Variants in C6 observed in about 807,000 individuals in gnomAD.
C6 encodes complement C6, also known as complement component C6.
In C6, 101 loss-of-function variants were observed where a neutral mutation model predicts 112.9. The observed-to-expected ratio is 0.89, with a 90% CI of 0.76 to 1.06. The LOEUF is 1.06. C6 is among the 50% of genes least tolerant of loss of function. C6 has a pLI of 0.00. For synonymous variants in C6, 431 were observed against 384.1 expected, an observed-to-expected ratio of 1.12 and a Z score of -1.43; for missense variants, 1,202 against 1,104.6, an observed-to-expected ratio of 1.09 and a Z score of -1.25.
Position 41,160,356 on chromosome 5 carries a change from G to A in C6, c.1470C>T (p.Ile490=), listed in dbSNP as rs760389028. The change falls in exon 11 of 18, where the codon ATC becomes ATT. Residue 490 remains isoleucine (I), a synonymous_variant. Coordinates refer to ENST00000337836, the MANE Select transcript of C6 (RefSeq NM_000065.5). ...AGGGGATGTTTCTTACCAAGTCCAC[G>A]ATGGGGGCAAGCTAGGAGAAAATGG... is the stretch of plus-strand genomic sequence containing the variant. ...PAVIDFELAP[I]VDLVRNIPCA... 14 of 1,613,562 alleles carry A rather than the reference G, an allele frequency of 8.7e-6. No individual in the cohort carries two copies. The East Asian group carries it at 1.1e-4, about 13-fold the overall frequency.
At chr5:41,181,321 T>C (rs1749318478) in intron 7 of C6, 38 bp downstream of exon 7, 2 of 1,567,594 alleles carry the variant, frequency 1.3e-6, no homozygotes, top group Non-Finnish European at 1.8e-6. Flanking sequence ...CTGTTAATTT[T>C]CAAGAAAGAA....
chr5:41,240,149 T>C (rs937455425), intron 1 of C6, among the ~76,000 whole-genome samples: 2 of 152,178 alleles, frequency 1.3e-5, no homozygotes, highest in African/African-American at 4.8e-5. Flanking sequence ...TTTTAGCTAT[T>C]ATTTTGTTAA....
intron 1 of C6, among the ~76,000 whole-genome samples, chr5:41,228,009 C>A (rs1739631061): frequency 6.6e-6 from 1 of 152,158 alleles, no homozygotes; most frequent in Non-Finnish European, 1.5e-5. Context: ...GTGAAGAATG[C>A]CATTATGATT....
At chr5:41,163,807 A>G (rs1747751147) in intron 9 of C6, among the ~76,000 whole-genome samples, 1 of 152,226 alleles carries the variant, frequency 6.6e-6, no homozygotes, top group Non-Finnish European at 1.5e-5. Context: ...AATTTTAAAA[A>G]TGATATAATT....
At chr5:41,164,654 A>G (rs1295650321) in intron 9 of C6, among the ~76,000 whole-genome samples, 4 of 152,164 alleles carry the variant, frequency 2.6e-5, no homozygotes, top group Non-Finnish European at 5.9e-5. Context: ...GCAATGGGTA[A>G]TTGAAAAGCC....
intron 1 of C6, among the ~76,000 whole-genome samples, chr5:41,228,807 C>T (rs985589944): frequency 6.6e-6 from 1 of 152,062 alleles, no homozygotes; most frequent in African/African-American, 2.4e-5. Context: ...ATGGATAATT[C>T]CCACTTGATC....
chr5:41,167,804 A>G (rs779994323), intron 9 of C6, among the ~76,000 whole-genome samples: 1 of 152,160 alleles, frequency 6.6e-6, no homozygotes, highest in Non-Finnish European at 1.5e-5. Flanking sequence ...GAAGCTTGGG[A>G]GGAAGAATGG....
At chr5:41,170,870 A>C (rs1033145800) in intron 9 of C6, among the ~76,000 whole-genome samples, 2 of 152,202 alleles carry the variant, frequency 1.3e-5, no homozygotes, top group Non-Finnish European at 2.9e-5. Flanking sequence ...TTATAATGGC[A>C]AGGCATAGGA....
chr5:41,163,429 C>T (rs1747711580), intron 9 of C6, among the ~76,000 whole-genome samples: 1 of 151,772 alleles, frequency 6.6e-6, no homozygotes. Flanking sequence ...TCTCCTGCCT[C>T]AGCCTCCCAA....
At chr5:41,238,634 G>T (rs569660292) in intron 1 of C6, among the ~76,000 whole-genome samples, 1 of 152,270 alleles carries the variant, frequency 6.6e-6, no homozygotes, top group African/African-American at 2.4e-5. Flanking sequence ...GCTGACAAAT[G>T]ATTAACACTT....
intron 7 of C6, among the ~76,000 whole-genome samples, chr5:41,177,995 G>A (rs1251552597): frequency 6.6e-6 from 1 of 152,124 alleles, no homozygotes; most frequent in Non-Finnish European, 1.5e-5. Context: ...GCCCTTTCTG[G>A]AAGGTTCAAT....
intron 1 of C6, among the ~76,000 whole-genome samples, chr5:41,253,430 C>T (rs1741487398): frequency 6.6e-6 from 1 of 152,180 alleles, no homozygotes; most frequent in African/African-American, 2.4e-5. Context: ...GCCCTGTGAA[C>T]TCTAGTTGGC....
At chr5:41,193,735 C>A (rs1561152654) in intron 5 of C6, among the ~76,000 whole-genome samples, 1 of 150,388 alleles carries the variant, frequency 6.6e-6, no homozygotes, top group East Asian at 2.0e-4. Flanking sequence ...ATTTTTATAT[C>A]TCTTGTTAAA....
In C6 at chr5:41,234,359, T is replaced by TTTG. The variant is rs1346166953; in HGVS notation, c.-21+26834_-21+26835insCAA. ...TTTCGTTTTTTTTTTTGTTTTTTGT[T>TTTG]TTTTGTTTTTTTTTTTTGCTTGGAA... On this transcript the variant is annotated intron_variant, in intron 1 of 17. Coordinates refer to the C6 transcript ENST00000263413. Among the ~76,000 whole-genome samples the TTTG allele has an allele frequency of 1.6e-3, 221 of 140,448 alleles. 1 individual carries two copies. Among genetic ancestry groups the TTTG allele is most frequent in the African/African-American group, 6.6e-3 (213 of 32,484 alleles). The allele number at this position is 140,448 out of a possible 152,430, so 92.1% of individuals were successfully genotyped here. A position where few individuals can be genotyped will look rare whatever the true frequency, so the allele number is the denominator to read the frequency against.
chr5:41,165,319 T>G (rs149574880), intron 9 of C6, among the ~76,000 whole-genome samples: 103 of 152,324 alleles, frequency 6.8e-4, no homozygotes, highest in African/African-American at 2.4e-3. Flanking sequence ...CATAAATATG[T>G]GTGCGTGCAT....
At chr5:41,227,518 A>G (rs952930958) in intron 1 of C6, among the ~76,000 whole-genome samples, 1 of 152,090 alleles carries the variant, frequency 6.6e-6, no homozygotes, top group Non-Finnish European at 1.5e-5. Flanking sequence ...CACATCCAAA[A>G]AAATCATTGC....
At chr5:41,235,651 C>T (rs1359857782) in intron 1 of C6, among the ~76,000 whole-genome samples, 6 of 116,464 alleles carry the variant, frequency 5.2e-5, no homozygotes, top group Admixed American at 9.2e-5. Context: ...GGAATCGCCA[C>T]ACTGACTTCC....
At chr5:41,249,443 C>A (rs2150436076) in intron 1 of C6, among the ~76,000 whole-genome samples, 1 of 152,132 alleles carries the variant, frequency 6.6e-6, no homozygotes, top group Non-Finnish European at 1.5e-5. Context: ...TTTGTATTTG[C>A]TCCTATAGAT....
At chr5:41,253,387 C>T (rs919670285) in intron 1 of C6, among the ~76,000 whole-genome samples, 1 of 152,160 alleles carries the variant, frequency 6.6e-6, no homozygotes, top group Admixed American at 6.5e-5. Context: ...TCATAAATCT[C>T]TCTCTGTGTA....
Sources: gnomAD v4.1 joint callset for allele counts (sites outside exome capture counted in the v4.1 genomes callset) on GRCh38, gnomAD v4.1.1 for gene constraint, MANE v1.5 for transcripts, NCBI Gene and HGNC (gene_info 2026-07-23, HGNC 2026-07-21) for gene names.